The following PEX13 variants were observed in gnomAD, a reference collection of about 807,000 sequenced individuals.
The protein encoded by PEX13 is peroxisome biogenesis factor 13.
In PEX13, 28 loss-of-function variants were observed where a neutral mutation model predicts 34.5. The observed-to-expected ratio is 0.81, with a 90% confidence interval of 0.60 to 1.11. PEX13 has a LOEUF of 1.11. Ranked by LOEUF, PEX13 falls within the 50% of genes most tolerant of loss-of-function variation. The pLI is 0.00. For synonymous variants in PEX13, 177 were observed against 175.1 expected, an observed-to-expected ratio of 1.01 and a Z score of -0.09; for missense variants, 550 against 491.0, an observed-to-expected ratio of 1.12 and a Z score of -1.13.
chr2:61,042,913 T>C (rs895625799), intron 2 of PEX13, among the ~76,000 whole-genome samples: 2 of 152,242 alleles, frequency 1.3e-5, no homozygotes, highest in African/African-American at 4.8e-5. Flanking sequence ...CCTTGGCTCA[T>C]CATGACCCAA....
intron 1 of PEX13, chr2:61,018,652 G>A (rs937136800): frequency 1.2e-5 from 2 of 163,078 alleles, no homozygotes; most frequent in Non-Finnish European, 2.7e-5. Context: ...GTTTTCCTAA[G>A]CGTAAAAACC....
chr2:61,022,066 G>T (rs1030091295), intron 1 of PEX13, among the ~76,000 whole-genome samples: 3 of 152,190 alleles, frequency 2.0e-5, no homozygotes, highest in African/African-American at 7.2e-5. Flanking sequence ...CCACAAAGAT[G>T]GGGAGAAACC....
chr2:61,036,709 T>G (rs1179090755), intron 2 of PEX13, among the ~76,000 whole-genome samples: 1 of 152,186 alleles, frequency 6.6e-6, no homozygotes, highest in Non-Finnish European at 1.5e-5. Context: ...ATGAAGAAAC[T>G]GCATCAATTA....
At chr2:61,035,573 G>A (rs1018460128) in intron 2 of PEX13, among the ~76,000 whole-genome samples, 29 of 152,086 alleles carry the variant, frequency 1.9e-4, no homozygotes, top group Middle Eastern at 3.4e-3. Flanking sequence ...TAAAAACCTT[G>A]AAAAAAGGTT....
Position 61,048,679 on chromosome 2 carries a change from A to G in PEX13, c.1121A>G (p.Glu374Gly). The stretch of plus-strand genomic sequence containing the variant: ...GTTGCTGATTCTTTGGATGAACAGG[A>G]AGCTGCCTTTGAATCTGTTTTTGTT... ...ATVADSLDEQ[E>G]AAFESVFVET... Residue 374 changes from glutamate (E) to glycine (G), a missense_variant, in exon 4 of 4, where the codon GAA becomes GGA. Glu to Gly is a moderately conservative substitution (Grantham distance 98). Coordinates refer to ENST00000295030, the MANE Select transcript of PEX13 (RefSeq NM_002618.4). 1 of 1,613,902 alleles carries G rather than the reference A, an allele frequency of 6.2e-7. No homozygotes were observed. The highest frequency in any genetic ancestry group is 8.5e-7 in the Non-Finnish European group (1 of 1,179,742).
chr2:61,033,506 A>G (rs913226589), intron 2 of PEX13, among the ~76,000 whole-genome samples: 5 of 152,244 alleles, frequency 3.3e-5, no homozygotes, highest in East Asian at 1.9e-4. Context: ...GGATATAGCA[A>G]TGAATAAAAT....
rs550791859 is a variant in PEX13, at chr2:61,036,690, A to G, written c.787+4577A>G. Reference sequence around the variant, plus strand: ...AAAAACATGCCAAATTGTAAAGACCATCAACGCTATGAAGAAACTGCATCA... The same window carrying G: ...AAAAACATGCCAAATTGTAAAGACCGTCAACGCTATGAAGAAACTGCATCA... On this transcript the variant is annotated intron_variant, in intron 2 of 3. Coordinates refer to ENST00000295030, the MANE Select transcript of PEX13 (RefSeq NM_002618.4). Among the ~76,000 whole-genome samples the G allele has an allele frequency of 3.9e-5, 6 of 152,364 alleles. No homozygotes were observed. In the East Asian group the frequency reaches 1.2e-3, roughly 29 times the overall value.
rs998143845 is a variant in PEX13 at position 61,017,723 on chromosome 2, C to G, written c.-37C>G. The stretch of plus-strand genomic sequence containing the variant: ...GCTGGTCTACGCGGGCCTGGACAGT[C>G]AGGGGTAGGAGCGGGAGCCGAGAGG... On this transcript the variant is annotated 5_prime_UTR_variant, in exon 1 of 4. Coordinates refer to ENST00000295030, the MANE Select transcript of PEX13 (RefSeq NM_002618.4). The G allele has an allele frequency of 1.2e-5, 19 of 1,523,724 alleles. No homozygotes were observed. Among genetic ancestry groups the G allele is most frequent in the African/African-American group, 4.1e-5 (3 of 72,532 alleles). 94.4% of individuals were successfully genotyped at this position (1,523,724 alleles called of 1,614,324 possible). A position where few individuals can be genotyped will look rare whatever the true frequency, so the allele number is the denominator to read the frequency against.
intron 1 of PEX13, among the ~76,000 whole-genome samples, chr2:61,022,317 G>A (rs898394116): frequency 6.6e-6 from 1 of 152,204 alleles, no homozygotes; most frequent in Non-Finnish European, 1.5e-5. Flanking sequence ...AGAATAAACA[G>A]TGTAGAGAAG....
intron 1 of PEX13, among the ~76,000 whole-genome samples, chr2:61,021,936 G>A (rs897901211): frequency 3.9e-5 from 6 of 152,220 alleles, no homozygotes; most frequent in Non-Finnish European, 7.3e-5. Flanking sequence ...GCTGAGGGAC[G>A]TGACCATTAG....
intron 2 of PEX13, among the ~76,000 whole-genome samples, chr2:61,038,421 T>G (rs1680569578): frequency 6.6e-6 from 1 of 152,208 alleles, no homozygotes; most frequent in African/African-American, 2.4e-5. Context: ...TCAAGTTGGC[T>G]TCATCCTTGA....
chr2:61,027,817 A>T (rs950879397), intron 1 of PEX13, among the ~76,000 whole-genome samples: 2 of 152,192 alleles, frequency 1.3e-5, no homozygotes, highest in Admixed American at 1.3e-4. Context: ...GAACTGTTTC[A>T]TTAAAGCCTG....
Position 61,032,043 on chromosome 2 carries a change from C to G in PEX13, c.717C>G (p.Phe239Leu). The stretch of plus-strand genomic sequence containing the variant: ...CAAAATCTTGGCCAATATTCTTGTT[C>G]TTTGCTGTTATCCTTGGTGGTCCTT... The part of the protein sequence containing the change: ...TSAKSWPIFL[F>L]FAVILGGPYL... Residue 239 changes from phenylalanine to leucine, a missense_variant, in exon 2 of 4, where the codon TTC (phenylalanine) becomes TTG (leucine). Coordinates refer to ENST00000295030, the MANE Select transcript of PEX13 (RefSeq NM_002618.4). The G allele has an allele frequency of 6.2e-7, 1 of 1,613,738 alleles. No individual in the cohort carries two copies. Among genetic ancestry groups the G allele is most frequent in the Non-Finnish European group, 8.5e-7 (1 of 1,179,874 alleles).
intron 2 of PEX13, 110 bp downstream of exon 2, chr2:61,032,223 T>C (rs1271162431): frequency 9.7e-6 from 8 of 822,536 alleles, no homozygotes; most frequent in Non-Finnish European, 1.5e-5. Flanking sequence ...TTTCCAGTTA[T>C]ATTTTCAGTT....
chr2:61,043,154 TC>T (rs2104810978), intron 2 of PEX13, among the ~76,000 whole-genome samples: 1 of 152,046 alleles, frequency 6.6e-6, no homozygotes, highest in East Asian at 1.9e-4. Flanking sequence ...CAAATAAACT[TC>T]CATTGTTTAC....
rs1375935021 is a variant in PEX13, at chr2:61,031,872, T to G, written c.546T>G (p.Phe182Leu). The change falls in exon 2 of 4, where the codon TTT (phenylalanine) becomes TTG (leucine). Residue 182 changes from phenylalanine to leucine, a missense_variant. Coordinates refer to ENST00000295030, the MANE Select transcript of PEX13 (RefSeq NM_002618.4). ...KIHFTKVFSAFALVRTIRYLY... is the reference protein window; with the variant it reads ...KIHFTKVFSALALVRTIRYLY... ...ACTTTACAAAAGTGTTTTCAGCTTT[T>G]GCATTGGTTAGGACTATACGGTATC... is the stretch of plus-strand genomic sequence containing the variant. 6.2e-7 allele frequency: 1 copy of G among 1,613,428 alleles called. No individual in the cohort carries two copies. Among genetic ancestry groups the G allele is most frequent in the Admixed American group, 1.7e-5 (1 of 60,028 alleles).
chr2:61,045,493 C>T (rs1295850302), intron 2 of PEX13, among the ~76,000 whole-genome samples: 1 of 152,094 alleles, frequency 6.6e-6, no homozygotes, highest in African/African-American at 2.4e-5. Context: ...ATTTGCCAAC[C>T]CCTGGCTCAC....
chr2:61,043,465 C>T (rs1347760458), intron 2 of PEX13, among the ~76,000 whole-genome samples: 1 of 151,452 alleles, frequency 6.6e-6, no homozygotes, highest in African/African-American at 2.4e-5. Context: ...CAACTACAGA[C>T]AAGAACATTT....
intron 2 of PEX13, among the ~76,000 whole-genome samples, chr2:61,039,806 A>G (rs951803243): frequency 6.6e-5 from 10 of 152,310 alleles, no homozygotes; most frequent in African/African-American, 2.2e-4. Context: ...TGAACAGGCA[A>G]CCTACAGAAT....
Sources: allele counts gnomAD v4.1 joint callset (sites outside exome capture counted in the v4.1 genomes callset), GRCh38; gene constraint gnomAD v4.1.1; transcripts MANE v1.5; gene names NCBI Gene and HGNC (gene_info 2026-07-23, HGNC 2026-07-21).